Variants in HAUS2 observed in about 807,000 individuals in gnomAD.
HAUS2 encodes HAUS augmin-like complex subunit 2.
HAUS2 carries 20 observed loss-of-function variants against 21.6 expected under a neutral mutation model. The ratio of observed to expected loss-of-function variants is 0.93; its 90% CI spans 0.65 to 1.35. The LOEUF (loss-of-function observed/expected upper bound fraction) is 1.35, where lower values mean the gene tolerates loss of function less well. Among genes scored for constraint, HAUS2 ranks in the 40% most tolerant of loss-of-function variants. The probability of loss-of-function intolerance (pLI) is 0.00; values close to 1 mark genes in which losing one functional copy is unlikely to be tolerated. For synonymous variants in HAUS2, 113 were observed against 95.6 expected (o/e 1.18, Z -1.06); for missense variants, 297 against 280.7 (o/e 1.06, Z -0.42).
chr15:42,552,526 A>T (rs1025572639), intron 1 of HAUS2, among the ~76,000 whole-genome samples: 1 of 152,188 alleles, frequency 6.6e-6, no homozygotes, highest in Non-Finnish European at 1.5e-5. Context: ...TCTAGAAAAC[A>T]TAGCTTGTTT....
intron 1 of HAUS2, among the ~76,000 whole-genome samples, chr15:42,549,703 C>T (rs2057700700): frequency 6.6e-6 from 1 of 150,460 alleles, no homozygotes; most frequent in Non-Finnish European, 1.5e-5. Flanking sequence ...CCCGCCTCGG[C>T]CTCCCAAAGT....
chr15:42,563,657 T>C, intron 4 of HAUS2, 92 bp from the exon 5 acceptor site: 1 of 741,844 alleles, frequency 1.3e-6, no homozygotes, highest in African/African-American at 1.8e-5. Flanking sequence ...GTAATTCTTA[T>C]CTCAAATTAA....
chr15:42,560,883 G>A (rs1042405701), intron 3 of HAUS2: 2 of 701,310 alleles, frequency 2.9e-6, no homozygotes, highest in African/African-American at 3.5e-5. Context: ...ATGAGCTAGA[G>A]CACCAGCTAA....
chr15:42,557,289 C>T (rs2057788568), intron 1 of HAUS2, among the ~76,000 whole-genome samples: 1 of 108,392 alleles, frequency 9.2e-6, no homozygotes, highest in Non-Finnish European at 1.9e-5. Flanking sequence ...GCACTCCAAC[C>T]TGTGCGACAG....
intron 3 of HAUS2, among the ~76,000 whole-genome samples, chr15:42,560,221 T>C (rs2057834620): frequency 6.6e-6 from 1 of 152,210 alleles, no homozygotes; most frequent in Non-Finnish European, 1.5e-5. Context: ...AAATATGGAC[T>C]GTATTAAATA....
chr15:42,561,724 A>C (rs2057855313), intron 4 of HAUS2: 1 of 220,140 alleles, frequency 4.5e-6, no homozygotes. Flanking sequence ...TTGTTGAGTT[A>C]ATGTTGCCTA....
chr15:42,559,239 C>T, intron 2 of HAUS2, 100 bp from the exon 3 acceptor site: 1 of 709,208 alleles, frequency 1.4e-6, no homozygotes, highest in South Asian at 1.6e-5. Context: ...GATCCACCTG[C>T]CTCAGCCTCC....
At position 42,563,858 on chromosome 15, in the gene HAUS2, G is replaced by T. The variant is rs774999099; in HGVS notation, c.498+1G>T. ...TTTAGCTGCAAATCTAAAGAAAATG[G>T]TGAGTATTAATATAGCAATCTTCAG... On this transcript the variant is annotated splice_donor_variant, in intron 5 of 5. Transcript: ENST00000260372. LOFTEE classifies it high-confidence loss of function. 14 of 1,322,804 alleles carry T rather than the reference G, an allele frequency of 1.1e-5. No homozygotes were observed. In the South Asian group the frequency reaches 1.7e-4, roughly 16 times the overall value. 81.9% of individuals were successfully genotyped at this position (1,322,804 alleles called of 1,614,324 possible).
rs750520496 is a variant in HAUS2 at position 42,548,859 on chromosome 15, G to A, written c.-14G>A. 8.6e-5 allele frequency: 133 copies of A among 1,543,948 alleles called. No individual in the cohort carries two copies. The highest frequency in any genetic ancestry group is 1.0e-4 in the Non-Finnish European group (118 of 1,142,708). On this transcript the variant is annotated 5_prime_UTR_variant, in exon 1 of 6. Coordinates refer to ENST00000260372, the MANE Select transcript of HAUS2 (RefSeq NM_018097.3). Reference sequence around the variant, plus strand: ...GCTCACTCTTGGCGCCTTCGCGGAAGGTGCGTCCGAGCCATGGCCGCTGCC... The same window carrying A: ...GCTCACTCTTGGCGCCTTCGCGGAAAGTGCGTCCGAGCCATGGCCGCTGCC...
chr15:42,554,447 C>A (rs371535994), intron 1 of HAUS2, among the ~76,000 whole-genome samples: 1 of 151,316 alleles, frequency 6.6e-6, no homozygotes, highest in East Asian at 1.9e-4. Context: ...TTCCCTATTC[C>A]CTCCTCCCTC....
At position 42,566,638 on chromosome 15, in the gene HAUS2, TG is replaced by T; in HGVS notation, c.531del (p.Thr178LeufsTer28). On this transcript the variant is annotated frameshift_variant, in exon 6 of 6. Coordinates refer to ENST00000260372, the MANE Select transcript of HAUS2 (RefSeq NM_018097.3). LOFTEE classifies it high-confidence loss of function. Reference protein sequence around the residue: ...NQALAKMDILVTETEELAENI... With the variant: ...NQALAKMDILXTETEELAENI... ...GCTTTAGCAAAGATGGATATATTGG[TG>T]ACTGAGACAGAAGAACTGGCAGAGA... is the stretch of plus-strand genomic sequence containing the variant. The T allele has an allele frequency of 6.2e-7, 1 of 1,608,204 alleles. No individual in the cohort carries two copies. Among genetic ancestry groups the T allele is most frequent in the Non-Finnish European group, 8.5e-7 (1 of 1,174,736 alleles).
intron 5 of HAUS2, 96 bp downstream of exon 5, chr15:42,563,953 A>C: frequency 1.4e-6 from 1 of 711,346 alleles, no homozygotes; most frequent in South Asian, 1.5e-5. Context: ...ATTACGAGCT[A>C]GTTAATTTTT....
chr15:42,563,722 T>C (rs199532738), intron 4 of HAUS2, 27 bp from the exon 5 acceptor site: 123 of 1,094,798 alleles, frequency 1.1e-4, no homozygotes, highest in Non-Finnish European at 1.5e-5. Flanking sequence ...CTTTAAAAAA[T>C]GGTTGACTTT....
intron 5 of HAUS2, among the ~76,000 whole-genome samples, chr15:42,564,870 T>C (rs2057890482): frequency 1.3e-5 from 2 of 152,194 alleles, no homozygotes; most frequent in African/African-American, 4.8e-5. Context: ...AGTTTCACTC[T>C]TGTTGCCCAG....
At chr15:42,552,919 AAAG>A (rs778767852) in intron 1 of HAUS2, among the ~76,000 whole-genome samples, 6 of 152,204 alleles carry the variant, frequency 3.9e-5, no homozygotes, top group Non-Finnish European at 7.3e-5. Context: ...GGGATAGGAA[AAAG>A]AAGAAAGAGT....
chr15:42,557,159 C>CA (rs2057786838), intron 1 of HAUS2, among the ~76,000 whole-genome samples: 1 of 139,208 alleles, frequency 7.2e-6, no homozygotes, highest in Non-Finnish European at 1.5e-5. Flanking sequence ...CTAAAAAATA[C>CA]AAAAAAATTA....
chr15:42,559,885 G>A (rs1022156412), intron 3 of HAUS2, among the ~76,000 whole-genome samples: 1 of 152,140 alleles, frequency 6.6e-6, no homozygotes, highest in African/African-American at 2.4e-5. Context: ...GTGGCCAGGC[G>A]TGGAGAGTCA....
chr15:42,550,662 C>G (rs1169936610), intron 1 of HAUS2, among the ~76,000 whole-genome samples: 1 of 151,482 alleles, frequency 6.6e-6, no homozygotes, highest in Non-Finnish European at 1.5e-5. Context: ...TTCCTCCCTT[C>G]TCTCCTGTGT....
At chr15:42,555,266 G>A (rs995000117) in intron 1 of HAUS2, among the ~76,000 whole-genome samples, 1 of 151,888 alleles carries the variant, frequency 6.6e-6, no homozygotes, top group Non-Finnish European at 1.5e-5. Context: ...GATTACAGCC[G>A]TGAGCCACGG....
Sources: allele counts gnomAD v4.1 joint callset (sites outside exome capture counted in the v4.1 genomes callset), GRCh38; gene constraint gnomAD v4.1.1; transcripts MANE v1.5; gene names NCBI Gene and HGNC (gene_info 2026-07-23, HGNC 2026-07-21).